Variants in SLC10A7 observed in about 807,000 individuals in gnomAD.
SLC10A7 encodes sodium/bile acid cotransporter 7.
In SLC10A7, 29 loss-of-function variants were observed where a neutral mutation model predicts 43.2. The observed-to-expected ratio is 0.67, with a 90% confidence interval of 0.50 to 0.92. SLC10A7 has a LOEUF of 0.92. SLC10A7 is among the 40% of genes least tolerant of loss of function. The pLI, the probability that SLC10A7 is intolerant of heterozygous loss-of-function variation, is 0.00. For missense variants in SLC10A7, 295 were observed against 403.2 expected (o/e 0.73, Z 2.30); for synonymous variants, 152 against 144.8 (o/e 1.05, Z -0.35).
chr4:146,299,181 A>G (rs766724772), intron 7 of SLC10A7, among the ~76,000 whole-genome samples: 6 of 152,190 alleles, frequency 3.9e-5, no homozygotes, highest in Non-Finnish European at 5.9e-5. Flanking sequence ...AATCCATACA[A>G]GCGTTTATTT....
intron 2 of SLC10A7, among the ~76,000 whole-genome samples, chr4:146,515,408 T>G (rs542762560): frequency 6.6e-6 from 1 of 152,320 alleles, no homozygotes; most frequent in Non-Finnish European, 1.5e-5. Flanking sequence ...AGAACTCATA[T>G]GTTGACAGAA....
intron 5 of SLC10A7, among the ~76,000 whole-genome samples, chr4:146,375,858 T>C (rs1579028174): frequency 6.6e-6 from 1 of 152,094 alleles, no homozygotes. Flanking sequence ...ATCCCACAGG[T>C]TGAAGGCTCA....
At chr4:146,397,870 A>C (rs1359625384) in intron 5 of SLC10A7, among the ~76,000 whole-genome samples, 1 of 152,238 alleles carries the variant, frequency 6.6e-6, no homozygotes, top group Non-Finnish European at 1.5e-5. Flanking sequence ...ACAAGAGTGG[A>C]AACTAAAGCT....
intron 5 of SLC10A7, among the ~76,000 whole-genome samples, chr4:146,380,598 T>C (rs2149790896): frequency 6.6e-6 from 1 of 152,284 alleles, no homozygotes; most frequent in Middle Eastern, 3.4e-3. Flanking sequence ...TATGGGGCAC[T>C]AAATTAGGTG....
At chr4:146,412,794 T>A (rs544886175) in intron 5 of SLC10A7, among the ~76,000 whole-genome samples, 2 of 152,192 alleles carry the variant, frequency 1.3e-5, no homozygotes, top group African/African-American at 4.8e-5. Flanking sequence ...AATTGAACTA[T>A]CTATTGTTCT....
intron 1 of SLC10A7, among the ~76,000 whole-genome samples, chr4:146,520,398 C>T (rs1268766944): frequency 6.6e-6 from 1 of 152,212 alleles, no homozygotes; most frequent in Non-Finnish European, 1.5e-5. Context: ...CTGCTTTATT[C>T]TCACAGTTAC....
intron 5 of SLC10A7, among the ~76,000 whole-genome samples, chr4:146,347,989 A>G (rs1288283107): frequency 6.6e-6 from 1 of 152,228 alleles, no homozygotes; most frequent in African/African-American, 2.4e-5. Context: ...ACTAAGAGAA[A>G]GCATTGGATA....
chr4:146,466,546 CAG>C (rs1733054508), intron 4 of SLC10A7, among the ~76,000 whole-genome samples: 2 of 152,236 alleles, frequency 1.3e-5, no homozygotes, highest in South Asian at 4.1e-4. Context: ...TCTGTAAGGA[CAG>C]GGGACAAAAT....
intron 11 of SLC10A7, among the ~76,000 whole-genome samples, chr4:146,258,387 T>C (rs1728009760): frequency 6.6e-6 from 1 of 152,196 alleles, no homozygotes; most frequent in Admixed American, 6.5e-5. Context: ...AGGTATCTAT[T>C]TGGAGTATAT....
intron 4 of SLC10A7, among the ~76,000 whole-genome samples, chr4:146,492,693 T>C (rs558775088): frequency 6.6e-6 from 1 of 152,320 alleles, no homozygotes; most frequent in South Asian, 2.1e-4. Flanking sequence ...ATAAATAGTC[T>C]GATAGATGCC....
chr4:146,278,032 A>G (rs1729318391), intron 10 of SLC10A7, among the ~76,000 whole-genome samples: 2 of 152,282 alleles, frequency 1.3e-5, no homozygotes, highest in Admixed American at 1.3e-4. Context: ...TGCGAAGATC[A>G]AATATTTATA....
At chr4:146,367,327 C>T (rs530243430) in intron 5 of SLC10A7, among the ~76,000 whole-genome samples, 1 of 152,136 alleles carries the variant, frequency 6.6e-6, no homozygotes, top group South Asian at 2.1e-4. Context: ...ATGACATGTT[C>T]TATTATATTC....
At position 146,254,551 on chromosome 4, in the gene SLC10A7, T is replaced by G. The variant is rs946079742; in HGVS notation, c.*1940A>C. 1 of 152,218 alleles carries G rather than the reference T, an allele frequency of 6.6e-6. No individual in the cohort carries two copies. The highest frequency in any genetic ancestry group is 1.5e-5 in the Non-Finnish European group (1 of 68,034). The allele number at this position is 152,218 out of a possible 1,614,324, so 9.4% of individuals were successfully genotyped here. On this transcript the variant is annotated 3_prime_UTR_variant, in exon 12 of 12. Transcript: ENST00000335472. ...AAAGATTATTTGAAAACAAAGCACA[T>G]TTTTAAAGCAAACGATAAAATGTTA...
chr4:146,490,662 A>C (rs1351656146), intron 4 of SLC10A7, among the ~76,000 whole-genome samples: 2 of 152,202 alleles, frequency 1.3e-5, no homozygotes, highest in Non-Finnish European at 2.9e-5. Flanking sequence ...ACTATTAAGC[A>C]TACACTCTGA....
At chr4:146,442,300 T>C (rs894370937) in intron 5 of SLC10A7, 5 of 985,924 alleles carry the variant, frequency 5.1e-6, no homozygotes, top group Non-Finnish European at 6.0e-6. Flanking sequence ...ATATCTTCCT[T>C]TCAAATTTTT....
At chr4:146,337,892 A>G (rs541447488) in intron 5 of SLC10A7, among the ~76,000 whole-genome samples, 1 of 152,094 alleles carries the variant, frequency 6.6e-6, no homozygotes, top group South Asian at 2.1e-4. Context: ...AATGTAAAAT[A>G]TATAATATTA....
chr4:146,484,650 T>C (rs1046555232), intron 4 of SLC10A7, among the ~76,000 whole-genome samples: 12 of 152,048 alleles, frequency 7.9e-5, no homozygotes, highest in Admixed American at 2.0e-4. Context: ...ATGAGGACAA[T>C]AGGTAATAAA....
chr4:146,398,384 T>C (rs987450255), intron 5 of SLC10A7, among the ~76,000 whole-genome samples: 1 of 152,142 alleles, frequency 6.6e-6, no homozygotes, highest in African/African-American at 2.4e-5. Flanking sequence ...GTTAAAGATA[T>C]AGTTAGAGAA....
rs565787670 is a variant in SLC10A7, at chr4:146,442,601, A to G, written c.435+182T>C. 21 of 1,444,710 alleles carry G rather than the reference A, an allele frequency of 1.5e-5. No individual in the cohort carries two copies. The African/African-American group carries it at 1.8e-4, about 12-fold the overall frequency. 89.5% of individuals were successfully genotyped at this position (1,444,710 alleles called of 1,614,324 possible). The stretch of plus-strand genomic sequence containing the variant: ...ACCCAAACCTCCAAAATATATTGTA[A>G]GAGAACATTTGCTTTATTCATTAAC... On this transcript the variant is annotated intron_variant, in intron 5 of 11. Coordinates refer to ENST00000335472, the MANE Select transcript of SLC10A7 (RefSeq NM_001029998.6).
Sources: gnomAD v4.1 joint callset for allele counts (sites outside exome capture counted in the v4.1 genomes callset) on GRCh38, gnomAD v4.1.1 for gene constraint, MANE v1.5 for transcripts, NCBI Gene and HGNC (gene_info 2026-07-23, HGNC 2026-07-21) for gene names.